Variants in ABHD2 observed in about 807,000 individuals in gnomAD.
ABHD2 encodes monoacylglycerol lipase ABHD2.
ABHD2 carries 20 observed loss-of-function variants against 48.1 expected under a neutral mutation model. That is an observed-to-expected ratio of 0.42 (90% CI 0.29 to 0.60). ABHD2 has a LOEUF of 0.60. ABHD2 is among the 20% of genes least tolerant of loss of function. ABHD2 has a pLI of 0.24. For synonymous variants in ABHD2, 209 were observed against 214.2 expected, an observed-to-expected ratio of 0.98 and a Z score of 0.21; for missense variants, 405 against 550.9, an observed-to-expected ratio of 0.74 and a Z score of 2.65.
chr15:89,079,842 G>A, the ABHD2 span, among the ~76,000 whole-genome samples: 1 of 152,172 alleles, frequency 6.6e-6, no homozygotes, highest in African/African-American at 2.4e-5. This position sits in a 1 kb window ranked among gnomAD's most constrained non-coding sequence, Gnocchi z 4.3. Flanking sequence ...GAGAACACGG[G>A]CTACCTCTTT....
Position 89,195,397 on chromosome 15 carries a change from G to C in ABHD2, c.1252G>C (p.Glu418Gln), listed in dbSNP as rs769629426. 6.2e-7 allele frequency: 1 copy of C among 1,613,964 alleles called. No individual in the cohort carries two copies. Among genetic ancestry groups the C allele is most frequent in the Non-Finnish European group, 8.5e-7 (1 of 1,180,024 alleles). The change falls in exon 11 of 11, where the codon GAG becomes CAG. Residue 418 changes from glutamate (E) to glutamine (Q), a missense_variant. Glu to Gln is a conservative substitution (Grantham distance 29). Coordinates refer to ENST00000352732, the MANE Select transcript of ABHD2 (RefSeq NM_152924.5). The surrounding 1 kb of genome is among the most constrained non-coding windows in gnomAD (Gnocchi z 5.1). ...ERNKLQCSDT[E>Q]QVEADLE ...TAACAAGTTGCAGTGCTCTGACACG[G>C]AGCAGGTGGAGGCCGACCTGGAGTG...
rs2051423611 is a variant in ABHD2, at chr15:89,197,397, G to T, written c.*1974G>T. The T allele has an allele frequency of 6.6e-6, 1 of 152,598 alleles. No individual in the cohort carries two copies. The highest frequency in any genetic ancestry group is 6.5e-5 in the Admixed American group (1 of 15,288). The allele number at this position is 152,598 out of a possible 1,614,324, so 9.5% of individuals were successfully genotyped here. ...CTTTACCCTCTCAGTTTGGAAGTTA[G>T]CCCCTCTCCTCTGTTACTTTTCCCT... is the stretch of plus-strand genomic sequence containing the variant. On this transcript the variant is annotated 3_prime_UTR_variant, in exon 11 of 11. Coordinates refer to ENST00000352732, the MANE Select transcript of ABHD2 (RefSeq NM_152924.5). This position sits in a 1 kb window ranked among gnomAD's most constrained non-coding sequence, Gnocchi z 4.4.
Position 89,088,965 on chromosome 15 carries a change from G to A in ABHD2, c.-107+402G>A, listed in dbSNP as rs1387591281. Reference sequence around the variant, plus strand: ...GAGAGGGCCGAGGGGCCTGATTACAGCCCGAGATACCCGAGAGGCCTCTGT... The same window carrying A: ...GAGAGGGCCGAGGGGCCTGATTACAACCCGAGATACCCGAGAGGCCTCTGT... On this transcript the variant is annotated intron_variant, in intron 1 of 10. Transcript: ENST00000352732. The surrounding 1 kb of genome is among the most constrained non-coding windows in gnomAD (Gnocchi z 6.8). 6.6e-6 allele frequency among the ~76,000 whole-genome samples: 1 copy of A among 152,250 alleles called. No homozygotes were observed. Among genetic ancestry groups the A allele is most frequent in the African/African-American group, 2.4e-5 (1 of 41,480 alleles).
intron 3 of ABHD2, among the ~76,000 whole-genome samples, chr15:89,127,441 C>T (rs2050146684): frequency 6.7e-6 from 1 of 150,246 alleles, no homozygotes; most frequent in African/African-American, 2.5e-5. Context: ...TTTTTCTACC[C>T]TTCCACTGAG....
In ABHD2 at chr15:89,175,774, C is replaced by A; in HGVS notation, c.539-38C>A. ...TTGCATTTTCTCCAGATAGGATGCA[C>A]CTGAAATGATTGAGCAATCTCACCC... On this transcript the variant is annotated intron_variant, in intron 5 of 10. Transcript: ENST00000352732. This position sits in a 1 kb window ranked among gnomAD's most constrained non-coding sequence, Gnocchi z 5.7. 1 of 1,612,572 alleles carries A rather than the reference C, an allele frequency of 6.2e-7. No homozygotes were observed. The highest frequency in any genetic ancestry group is 8.5e-7 in the Non-Finnish European group (1 of 1,179,138).
the ABHD2 span, among the ~76,000 whole-genome samples, chr15:89,076,281 T>C: frequency 2.0e-5 from 3 of 152,214 alleles, no homozygotes; most frequent in African/African-American, 7.2e-5. Context: ...CCTTCAGCAA[T>C]GATCAATCCA....
chr15:89,191,617 CTA>C (rs1173452035), intron 9 of ABHD2, among the ~76,000 whole-genome samples: 1 of 146,792 alleles, frequency 6.8e-6, no homozygotes, highest in Non-Finnish European at 1.5e-5. Context: ...ATGAGCATGT[CTA>C]TTTTTTTCTT....
chr15:89,078,052 T>C, the ABHD2 span, among the ~76,000 whole-genome samples: 1 of 152,186 alleles, frequency 6.6e-6, no homozygotes, highest in Admixed American at 6.5e-5. Context: ...TACCTTTCTC[T>C]CCCATATTAG....
At chr15:89,063,878 A>C in the ABHD2 span, among the ~76,000 whole-genome samples, 6 of 151,952 alleles carry the variant, frequency 3.9e-5, no homozygotes, top group African/African-American at 1.2e-4. Flanking sequence ...TCAGCATGAA[A>C]CTGTTCCACC....
chr15:89,167,426 A>C lies in ABHD2; in HGVS notation c.539-8386A>C, dbSNP rs1284545676. Among the ~76,000 whole-genome samples, 1 of 152,148 alleles carries C rather than the reference A, an allele frequency of 6.6e-6. No individual in the cohort carries two copies. Among genetic ancestry groups the C allele is most frequent in the African/African-American group, 2.4e-5 (1 of 41,428 alleles). ...TTTGCAGAACTCAGACATCGTAGTA[A>C]AACACCTGGCAAGATCGTCTGCTGA... is the stretch of plus-strand genomic sequence containing the variant. On this transcript the variant is annotated intron_variant, in intron 5 of 10. Transcript: ENST00000352732. The surrounding 1 kb of genome is among the most constrained non-coding windows in gnomAD (Gnocchi z 5.5).
chr15:89,191,961 T>C (rs1394744546), intron 9 of ABHD2, among the ~76,000 whole-genome samples: 2 of 152,244 alleles, frequency 1.3e-5, no homozygotes, highest in African/African-American at 4.8e-5. Context: ...TTGTTTGTAT[T>C]AATGCAACTT....
At chr15:89,154,646 T>A (rs2050642780) in intron 4 of ABHD2, among the ~76,000 whole-genome samples, 1 of 152,222 alleles carries the variant, frequency 6.6e-6, no homozygotes, top group Non-Finnish European at 1.5e-5. Context: ...ATAACCCCCT[T>A]CTGCATTTAG....
At chr15:89,133,144 C>T (rs1274233821) in intron 3 of ABHD2, among the ~76,000 whole-genome samples, 1 of 152,176 alleles carries the variant, frequency 6.6e-6, no homozygotes, top group African/African-American at 2.4e-5. Context: ...CCGTGTTGCC[C>T]TTGCTGTCAG....
Position 89,160,247 on chromosome 15 carries a change from G to C in ABHD2, c.538+4713G>C, listed in dbSNP as rs2050741472. Among the ~76,000 whole-genome samples, 4 of 152,202 alleles carry C rather than the reference G, an allele frequency of 2.6e-5. No individual in the cohort carries two copies. In the South Asian group the frequency reaches 8.3e-4, roughly 31 times the overall value. ...ACTTTTGACTGGTTAATTGAGGCAG[G>C]TCCACAGTTAACATGCTAGAACTGG... is the stretch of plus-strand genomic sequence containing the variant. On this transcript the variant is annotated intron_variant, in intron 5 of 10. Coordinates refer to ENST00000352732, the MANE Select transcript of ABHD2 (RefSeq NM_152924.5).
the ABHD2 span, among the ~76,000 whole-genome samples, chr15:89,076,006 G>A: frequency 2.6e-4 from 40 of 152,210 alleles, no homozygotes; most frequent in African/African-American, 8.7e-4. Context: ...AGGAGTAGAG[G>A]AAGAGAGAAA....
rs912243590 is a variant in ABHD2, at chr15:89,114,704, G to A, written c.-7+880G>A. Among the ~76,000 whole-genome samples the A allele has an allele frequency of 5.3e-5, 8 of 152,028 alleles. No individual in the cohort carries two copies. The highest frequency in any genetic ancestry group is 3.9e-4 in the Admixed American group (6 of 15,270). ...CACCATGTTGGCCAGGGCTGGTCTC[G>A]AACTCCTGAGCTCAAGTGATCCACC... On this transcript the variant is annotated intron_variant, in intron 2 of 10. Transcript: ENST00000352732. The surrounding 1 kb of genome is among the most constrained non-coding windows in gnomAD (Gnocchi z 4.2).
intron 1 of ABHD2, among the ~76,000 whole-genome samples, chr15:89,109,563 T>C (rs1032318612): frequency 6.6e-6 from 1 of 151,966 alleles, no homozygotes; most frequent in Admixed American, 6.6e-5. Context: ...CTGCCTGATG[T>C]TCATTTTAAC....
Position 89,094,766 on chromosome 15 carries a change from T to C in ABHD2, c.-107+6203T>C, listed in dbSNP as rs1363181803. On this transcript the variant is annotated intron_variant, in intron 1 of 10. Transcript: ENST00000352732. The surrounding 1 kb of genome is among the most constrained non-coding windows in gnomAD (Gnocchi z 4.7). ...AAGGAAATACAAAAGCCCTGTCATC[T>C]AAAAAGATATTTTAGCCTGGGTGCG... 6.6e-6 allele frequency among the ~76,000 whole-genome samples: 1 copy of C among 151,090 alleles called. No individual in the cohort carries two copies. The highest frequency in any genetic ancestry group is 2.0e-4 in the East Asian group (1 of 5,068).
chr15:89,166,871 G>T lies in ABHD2; in HGVS notation c.539-8941G>T, dbSNP rs1250482073. 2.0e-5 allele frequency among the ~76,000 whole-genome samples: 3 copies of T among 152,114 alleles called. No individual in the cohort carries two copies. Among genetic ancestry groups the T allele is most frequent in the Admixed American group, 6.5e-5 (1 of 15,276 alleles). On this transcript the variant is annotated intron_variant, in intron 5 of 10. Transcript: ENST00000352732. The surrounding 1 kb of genome is among the most constrained non-coding windows in gnomAD (Gnocchi z 4.6). ...AGGTAAGGTCAGAAAACTTGGTCTT[G>T]CTTAGAGGACGGGACTTCAGTCTTA...
Sources: allele counts gnomAD v4.1 joint callset (sites outside exome capture counted in the v4.1 genomes callset), GRCh38; gene constraint gnomAD v4.1.1; non-coding constraint Gnocchi (gnomAD v3.1); transcripts MANE v1.5; gene names NCBI Gene and HGNC (gene_info 2026-07-23, HGNC 2026-07-21).